Variants in ACO1 observed in about 807,000 individuals in gnomAD.
ACO1 encodes cytoplasmic aconitate hydratase.
A neutral mutation model predicts 105.1 loss-of-function variants in ACO1; 78 were observed. That is an observed-to-expected ratio of 0.74 (90% confidence interval 0.62 to 0.90). ACO1 has a LOEUF of 0.90. ACO1 is among the 40% of genes least tolerant of loss of function. The pLI, the probability that ACO1 is intolerant of heterozygous loss-of-function variation, is 0.00. For synonymous variants in ACO1, 364 were observed against 397.4 expected (o/e 0.92, Z 1.00); for missense variants, 965 against 1,111.1 (o/e 0.87, Z 1.87).
intron 15 of ACO1, among the ~76,000 whole-genome samples, chr9:32,432,127 G>A (rs751849797): frequency 9.2e-5 from 14 of 152,000 alleles, no homozygotes; most frequent in African/African-American, 2.2e-4. Flanking sequence ...CGCCTTTCTC[G>A]GACACCCAGG....
At chr9:32,435,357 T>C (rs1330444360) in intron 17 of ACO1, among the ~76,000 whole-genome samples, 2 of 152,166 alleles carry the variant, frequency 1.3e-5, no homozygotes, top group Admixed American at 6.5e-5. Flanking sequence ...TGAGCCCTTT[T>C]GAGGCATGAA....
At chr9:32,433,642 T>A in intron 15 of ACO1, 86 bp from the exon 16 acceptor site, 1 of 1,007,340 alleles carries the variant, frequency 9.9e-7, no homozygotes, top group South Asian at 1.5e-5. Flanking sequence ...GTGTACCTTT[T>A]AGCTTGAATG....
At chr9:32,441,949 T>C (rs1218765991) in intron 19 of ACO1, among the ~76,000 whole-genome samples, 1 of 152,182 alleles carries the variant, frequency 6.6e-6, no homozygotes, top group Non-Finnish European at 1.5e-5. Flanking sequence ...GTGACATGAA[T>C]AGGGTGTGTT....
At chr9:32,429,315 G>A in intron 12 of ACO1, 104 bp from the exon 13 acceptor site, 1 of 1,002,556 alleles carries the variant, frequency 1.0e-6, no homozygotes, top group Non-Finnish European at 1.6e-6. Context: ...TTCATGCACT[G>A]CAATTCCTTT....
chr9:32,429,333 G>C, intron 12 of ACO1, 86 bp from the exon 13 acceptor site: 1 of 1,242,954 alleles, frequency 8.0e-7, no homozygotes, highest in Admixed American at 1.8e-5. Context: ...TTTTTGAACA[G>C]TGGTCTCTGG....
In ACO1 at chr9:32,407,370, G is replaced by A. The variant is rs751872663; in HGVS notation, c.207G>A (p.Thr69=). 1.6e-5 allele frequency: 26 copies of A among 1,613,948 alleles called. No homozygotes were observed. Among genetic ancestry groups the A allele is most frequent in the East Asian group, 8.9e-5 (4 of 44,886 alleles). The part of the protein sequence containing the change: ...DIENILHWNV[T]QHKNIEVPFK... ...AAAATATTCTACATTGGAATGTCAC[G>A]CAGCACAAGAACATAGAAGTGCCAT... Residue 69 remains threonine, a synonymous_variant, in exon 3 of 21, where the codon ACG becomes ACA. Transcript: ENST00000309951.
intron 18 of ACO1, 62 bp from the exon 19 acceptor site, chr9:32,440,403 G>A (rs1464661224): frequency 6.2e-7 from 1 of 1,606,682 alleles, no homozygotes; most frequent in Admixed American, 1.7e-5. Flanking sequence ...CCAGGGCTCA[G>A]GGGACCTGTG....
At chr9:32,417,692 C>T (rs1241386410) in intron 4 of ACO1, among the ~76,000 whole-genome samples, 2 of 152,262 alleles carry the variant, frequency 1.3e-5, no homozygotes, top group African/African-American at 4.8e-5. Flanking sequence ...TTTTCTGTCT[C>T]CCAACATAAA....
At chr9:32,389,530 A>G (rs1821221754) in intron 1 of ACO1, among the ~76,000 whole-genome samples, 1 of 152,098 alleles carries the variant, frequency 6.6e-6, no homozygotes, top group Non-Finnish European at 1.5e-5. Flanking sequence ...GAACCGAAAA[A>G]CAGGCACACT....
At chr9:32,434,030 G>A (rs1822299041) in intron 16 of ACO1, among the ~76,000 whole-genome samples, 198 bp downstream of exon 16, 1 of 152,152 alleles carries the variant, frequency 6.6e-6, no homozygotes, top group Non-Finnish European at 1.5e-5. Flanking sequence ...TCTATGCAGG[G>A]GTTCTGCGTG....
chr9:32,429,290 C>G, intron 12 of ACO1, 129 bp from the exon 13 acceptor site: 1 of 686,172 alleles, frequency 1.5e-6, no homozygotes, highest in South Asian at 1.9e-5. Flanking sequence ...AGAAATAGCA[C>G]TATACTGAAC....
intron 4 of ACO1, among the ~76,000 whole-genome samples, chr9:32,411,776 T>A (rs1821744240): frequency 6.6e-6 from 1 of 152,222 alleles, no homozygotes. Context: ...CACTATAAAT[T>A]AGAAATGAGG....
intron 1 of ACO1, among the ~76,000 whole-genome samples, chr9:32,389,602 C>T (rs139581932): frequency 4.6e-5 from 7 of 151,986 alleles, no homozygotes; most frequent in South Asian, 2.1e-4. Context: ...ACCTTGGCCT[C>T]GCCCTCTCAC....
At chr9:32,420,726 A>G in intron 7 of ACO1, 130 bp from the exon 8 acceptor site, 1 of 926,704 alleles carries the variant, frequency 1.1e-6, no homozygotes, top group South Asian at 1.8e-5. Flanking sequence ...AAGTGATCAC[A>G]AATGTGTTGG....
intron 8 of ACO1, among the ~76,000 whole-genome samples, chr9:32,422,273 A>AAT (rs1228276181): frequency 1.1e-4 from 16 of 152,198 alleles, no homozygotes; most frequent in Non-Finnish European, 1.9e-4. Context: ...ATTGCTTCAG[A>AAT]ATAGTGTAGC....
Position 32,452,636 on chromosome 9 carries a change from C to T in ACO1, c.*2525C>T, listed in dbSNP as rs1822792819. The T allele has an allele frequency of 6.6e-6, 1 of 152,012 alleles. No individual in the cohort carries two copies. Among genetic ancestry groups the T allele is most frequent in the Non-Finnish European group, 1.5e-5 (1 of 68,012 alleles). 9.4% of individuals were successfully genotyped at this position (152,012 alleles called of 1,614,324 possible). A position where few individuals can be genotyped will look rare whatever the true frequency, so the allele number is the denominator to read the frequency against. On this transcript the variant is annotated 3_prime_UTR_variant, in exon 21 of 21. Coordinates refer to ENST00000309951, the MANE Select transcript of ACO1 (RefSeq NM_002197.3). ...GTGGCTAGACTAATGGAATTGGGTC[C>T]CTTACCTCCAAGTACACCCTCTGTC...
At position 32,440,569 on chromosome 9, in the gene ACO1, T is replaced by C. The variant is rs563017135; in HGVS notation, c.2352T>C (p.Ala784=). 1 of 1,613,852 alleles carries C rather than the reference T, an allele frequency of 6.2e-7. No individual in the cohort carries two copies. Among genetic ancestry groups the C allele is most frequent in the Admixed American group, 1.7e-5 (1 of 59,986 alleles). ...YGAGSSRDWA[A]KGPFLLGIKA... The stretch of plus-strand genomic sequence containing the variant: ...CAGGCAGCTCCCGAGACTGGGCAGC[T>C]AAGGGCCCTTTCCTGCTGGTGAGTA... Residue 784 remains alanine, a synonymous_variant, in exon 19 of 21, where the codon GCT becomes GCC. Transcript: ENST00000309951.
At chr9:32,427,733 T>C (rs1415697536) in intron 12 of ACO1, among the ~76,000 whole-genome samples, 11 of 152,258 alleles carry the variant, frequency 7.2e-5, no homozygotes, top group African/African-American at 7.2e-5. Flanking sequence ...CTGTTGACTT[T>C]ATAAACACTG....
chr9:32,399,901 T>G (rs1033156207), intron 1 of ACO1, among the ~76,000 whole-genome samples: 2 of 151,814 alleles, frequency 1.3e-5, no homozygotes, highest in Non-Finnish European at 2.9e-5. Context: ...TTGTTCTTTT[T>G]GCTCACCTGC....
Sources: allele counts gnomAD v4.1 joint callset (sites outside exome capture counted in the v4.1 genomes callset), GRCh38; gene constraint gnomAD v4.1.1; transcripts MANE v1.5; gene names NCBI Gene and HGNC (gene_info 2026-07-23, HGNC 2026-07-21).